Variants in TBC1D32 observed in about 807,000 individuals in gnomAD.
TBC1D32 encodes the protein TBC1 domain family member 32, also known as protein broad-minded.
In TBC1D32, 151 loss-of-function variants were observed where a neutral mutation model predicts 170.3. The observed-to-expected ratio is 0.89, with a 90% CI of 0.78 to 1.01. The LOEUF (loss-of-function observed/expected upper bound fraction) is 1.01, where lower values mean the gene tolerates loss of function less well. TBC1D32 is among the 50% of genes least tolerant of loss of function. The pLI, the probability that TBC1D32 is intolerant of heterozygous loss-of-function variation, is 0.00. For synonymous variants in TBC1D32, 498 were observed against 488.0 expected (o/e 1.02, Z -0.27); for missense variants, 1,464 against 1,457.1 (o/e 1.00, Z -0.08).
intron 1 of TBC1D32, among the ~76,000 whole-genome samples, chr6:121,322,034 C>T (rs923776837): frequency 6.6e-6 from 1 of 151,934 alleles, no homozygotes; most frequent in African/African-American, 2.4e-5. Flanking sequence ...AGAAGCAGCC[C>T]AAACTTCAGC....
chr6:121,294,581 G>T lies in TBC1D32; in HGVS notation c.1220C>A (p.Ser407Ter). The change falls in exon 11 of 32, where the codon TCA becomes TAA. Residue 407 changes from serine (S) to a stop codon, truncating the protein, a stop_gained. Transcript: ENST00000398212. LOFTEE classifies it high-confidence loss of function. The part of the protein sequence containing the change: ...TRKADETLGH[S>*]KHCRNKQKTF... ...GAAATAATACTTACTGCAATGCTTT[G>T]AATGTCCCAAAGTTTCATCAGCTTT... 6.2e-7 allele frequency: 1 copy of T among 1,610,888 alleles called. No homozygotes were observed. The highest frequency in any genetic ancestry group is 8.5e-7 in the Non-Finnish European group (1 of 1,178,522).
At position 121,304,759 on chromosome 6, in the gene TBC1D32, G is replaced by A; in HGVS notation, c.765C>T (p.Ser255=). ...PLHMTKEIYT[S]LAKYLESYFL... ...TAAATGTTTTCACAAACATACCTAAGCTTGTATAAATTTCCTTGGTCATAT... is the reference window on the plus strand; with the variant it reads ...TAAATGTTTTCACAAACATACCTAAACTTGTATAAATTTCCTTGGTCATAT... Residue 255 remains serine (S), a synonymous_variant, in exon 6 of 32, where the codon AGC becomes AGT. Coordinates refer to ENST00000398212, the MANE Select transcript of TBC1D32 (RefSeq NM_152730.6). 6.2e-7 allele frequency: 1 copy of A among 1,600,810 alleles called. No individual in the cohort carries two copies. The highest frequency in any genetic ancestry group is 1.3e-5 in the African/African-American group (1 of 74,422).
intron 1 of TBC1D32, among the ~76,000 whole-genome samples, chr6:121,332,001 G>A (rs536937506): frequency 6.6e-6 from 1 of 152,104 alleles, no homozygotes; most frequent in East Asian, 1.9e-4. Flanking sequence ...TTTTTAGGAG[G>A]CCACAAGTAA....
At chr6:121,277,192 C>T (rs931240853) in intron 15 of TBC1D32, among the ~76,000 whole-genome samples, 1 of 152,090 alleles carries the variant, frequency 6.6e-6, no homozygotes, top group African/African-American at 2.4e-5. Context: ...GCTGTCAGAT[C>T]TGTAAAAACA....
chr6:121,110,673 G>C (rs1017259521), intron 29 of TBC1D32, among the ~76,000 whole-genome samples: 19 of 152,098 alleles, frequency 1.2e-4, no homozygotes, highest in Non-Finnish European at 2.8e-4. Flanking sequence ...TGGAACAAAT[G>C]AAATAGAAAA....
At chr6:121,108,062 C>T (rs1303946015) in intron 29 of TBC1D32, among the ~76,000 whole-genome samples, 1 of 151,958 alleles carries the variant, frequency 6.6e-6, no homozygotes, top group African/African-American at 2.4e-5. Flanking sequence ...GACTGAATGC[C>T]AAGAAGAAAA....
At chr6:121,221,976 G>T (rs544767190) in intron 21 of TBC1D32, among the ~76,000 whole-genome samples, 1 of 152,144 alleles carries the variant, frequency 6.6e-6, no homozygotes, top group Non-Finnish European at 1.5e-5. Context: ...AATATTTCAC[G>T]AAAGGTGTCA....
At chr6:121,272,472 A>G (rs945699546) in intron 15 of TBC1D32, among the ~76,000 whole-genome samples, 2 of 152,218 alleles carry the variant, frequency 1.3e-5, no homozygotes, top group Non-Finnish European at 2.9e-5. Flanking sequence ...ACTTATCAAA[A>G]GAAGACATTT....
intron 27 of TBC1D32, among the ~76,000 whole-genome samples, chr6:121,113,939 G>A (rs902655081): frequency 6.6e-6 from 1 of 152,158 alleles, no homozygotes; most frequent in Non-Finnish European, 1.5e-5. Context: ...ACTTTGGGAG[G>A]CCGAGGTGGG....
intron 15 of TBC1D32, among the ~76,000 whole-genome samples, chr6:121,276,818 A>AT (rs1583526967): frequency 6.6e-6 from 1 of 152,210 alleles, no homozygotes; most frequent in South Asian, 2.1e-4. Context: ...AAAAAGGAAC[A>AT]TTAAATAACA....
Position 121,304,403 on chromosome 6 carries a change from C to T in TBC1D32, c.897G>A (p.Gln299=). The T allele has an allele frequency of 6.2e-7, 1 of 1,613,434 alleles. No individual in the cohort carries two copies. Among genetic ancestry groups the T allele is most frequent in the African/African-American group, 1.3e-5 (1 of 74,966 alleles). The change falls in exon 8 of 32, where the codon CAG becomes CAA. Residue 299 remains glutamine, a synonymous_variant. Transcript: ENST00000398212. The stretch of plus-strand genomic sequence containing the variant: ...GAATCCAGAAAGATGGAGCTTCTTT[C>T]TGATATTCATTTAGAAGACGAACCT... ...LKKVRLLNEY[Q]KEAPSFWIRH... is the part of the protein sequence containing the mutation.
At chr6:121,190,878 A>G (rs989330267) in intron 22 of TBC1D32, among the ~76,000 whole-genome samples, 2 of 152,086 alleles carry the variant, frequency 1.3e-5, no homozygotes, top group African/African-American at 4.8e-5. Flanking sequence ...TCACAACTAC[A>G]GTCATAAGCC....
chr6:121,223,216 AT>A lies in TBC1D32; in HGVS notation c.2481+19del. The A allele has an allele frequency of 7.0e-7, 1 of 1,420,670 alleles. No individual in the cohort carries two copies. The highest frequency in any genetic ancestry group is 9.6e-7 in the Non-Finnish European group (1 of 1,045,136). 88.0% of individuals were successfully genotyped at this position (1,420,670 alleles called of 1,614,324 possible). A position where few individuals can be genotyped will look rare whatever the true frequency, so the allele number is the denominator to read the frequency against. On this transcript the variant is annotated intron_variant, in intron 21 of 31. Coordinates refer to ENST00000398212, the MANE Select transcript of TBC1D32 (RefSeq NM_152730.6). ...ATAGTAGCATTTATAACAGAGAAAG[AT>A]TTAAAGAAAATGACTTACAATAACA... is the stretch of plus-strand genomic sequence containing the variant.
chr6:121,333,416 CT>C (rs1304731292), intron 1 of TBC1D32, among the ~76,000 whole-genome samples: 2 of 152,206 alleles, frequency 1.3e-5, no homozygotes, highest in Non-Finnish European at 2.9e-5. Context: ...TCTGACCCCC[CT>C]TCTCTGTCTC....
intron 5 of TBC1D32, among the ~76,000 whole-genome samples, chr6:121,305,578 C>T (rs1440997331): frequency 6.6e-6 from 1 of 151,936 alleles, no homozygotes; most frequent in Non-Finnish European, 1.5e-5. Context: ...TTTAGATAAT[C>T]CACTTACAAG....
At chr6:121,083,278 A>G (rs1305416807) in intron 31 of TBC1D32, among the ~76,000 whole-genome samples, 2 of 152,060 alleles carry the variant, frequency 1.3e-5, no homozygotes, top group Non-Finnish European at 2.9e-5. Context: ...TATTAACCGT[A>G]TAGTATTTGC....
chr6:121,328,612 A>G (rs1363146088), intron 1 of TBC1D32, among the ~76,000 whole-genome samples: 1 of 152,100 alleles, frequency 6.6e-6, no homozygotes, highest in Non-Finnish European at 1.5e-5. Context: ...AGTCTGTACA[A>G]CGAATAAACA....
chr6:121,245,288 T>G (rs181479029), intron 17 of TBC1D32, among the ~76,000 whole-genome samples: 4 of 152,324 alleles, frequency 2.6e-5, no homozygotes, highest in African/African-American at 9.6e-5. Context: ...CTGAATCCTT[T>G]GCAGATATTC....
At chr6:121,286,404 T>C (rs562553510) in intron 12 of TBC1D32, among the ~76,000 whole-genome samples, 314 of 152,006 alleles carry the variant, frequency 2.1e-3, no homozygotes, top group Non-Finnish European at 3.9e-3. Context: ...GAAGATGAAA[T>C]GAATGAAATG....
Sources: allele counts gnomAD v4.1 joint callset (sites outside exome capture counted in the v4.1 genomes callset), GRCh38; gene constraint gnomAD v4.1.1; transcripts MANE v1.5; gene names NCBI Gene and HGNC (gene_info 2026-07-23, HGNC 2026-07-21).